The following WWOX variants were observed in gnomAD, a reference collection of about 807,000 sequenced individuals.
WWOX encodes the protein WW domain-containing oxidoreductase.
WWOX carries 69 observed loss-of-function variants against 46.2 expected under a neutral mutation model. The ratio of observed to expected loss-of-function variants is 1.49; its 90% CI spans 1.23 to 1.82. The LOEUF (loss-of-function observed/expected upper bound fraction) is 1.82. Ranked by LOEUF, WWOX falls within the 40% of genes most tolerant of loss-of-function variation. WWOX has a pLI of 0.00. For synonymous variants in WWOX, 359 were observed against 202.6 expected (o/e 1.77, Z -6.56); for missense variants, 919 against 542.6 (o/e 1.69, Z -6.89).
intron 8 of WWOX, among the ~76,000 whole-genome samples, chr16:79,094,111 C>G (rs973711429): frequency 6.6e-6 from 1 of 152,202 alleles, no homozygotes; most frequent in Non-Finnish European, 1.5e-5. Flanking sequence ...CTCCTCTATC[C>G]TGTGAATGCA....
intron 5 of WWOX, among the ~76,000 whole-genome samples, chr16:78,355,311 G>A (rs926391559): frequency 6.6e-6 from 1 of 152,052 alleles, no homozygotes; most frequent in Non-Finnish European, 1.5e-5. Flanking sequence ...AGATAAAAAT[G>A]CGTGTATGGT....
At chr16:78,445,338 C>T (rs905841229) in intron 8 of WWOX, among the ~76,000 whole-genome samples, 1 of 152,184 alleles carries the variant, frequency 6.6e-6, no homozygotes, top group African/African-American at 2.4e-5. Context: ...CCACAAAAAT[C>T]ATGTCACAAG....
chr16:78,099,690 C>A lies in WWOX; in HGVS notation c.-89C>A. 3 of 1,437,910 alleles carry A rather than the reference C, an allele frequency of 2.1e-6. No homozygotes were observed. Among genetic ancestry groups the A allele is most frequent in the African/African-American group, 1.5e-5 (1 of 68,196 alleles). 89.1% of individuals were successfully genotyped at this position (1,437,910 alleles called of 1,614,324 possible). ...GCGTGAGCGGTCGGGCCCCGACGCG[C>A]GCGGGTCTCGTTTGGAGCGGGAGTG... is the stretch of plus-strand genomic sequence containing the variant. On this transcript the variant is annotated 5_prime_UTR_variant, in exon 1 of 9. Transcript: ENST00000566780.
At chr16:78,278,934 AGT>A (rs1287657732) in intron 5 of WWOX, among the ~76,000 whole-genome samples, 2 of 151,950 alleles carry the variant, frequency 1.3e-5, no homozygotes, top group African/African-American at 2.4e-5. Context: ...TGTGTACATA[AGT>A]GTGTGTGTTT....
chr16:78,939,004 A>T (rs965963181), intron 8 of WWOX, among the ~76,000 whole-genome samples: 5 of 152,162 alleles, frequency 3.3e-5, no homozygotes, highest in African/African-American at 1.2e-4. Flanking sequence ...TCTGATGTGG[A>T]TGGAAAGGTT....
At chr16:78,989,134 G>C (rs1409055773) in intron 8 of WWOX, among the ~76,000 whole-genome samples, 1 of 152,020 alleles carries the variant, frequency 6.6e-6, no homozygotes. Context: ...AGCATATTTA[G>C]AGTTCTGAAG....
chr16:78,465,139 C>A (rs1354351953), intron 8 of WWOX, among the ~76,000 whole-genome samples: 1 of 152,198 alleles, frequency 6.6e-6, no homozygotes, highest in Non-Finnish European at 1.5e-5. Context: ...CACTGGGTCC[C>A]TACCATGACA....
At chr16:78,413,985 A>G (rs1281549136) in intron 6 of WWOX, among the ~76,000 whole-genome samples, 1 of 151,842 alleles carries the variant, frequency 6.6e-6, no homozygotes. Context: ...GAACTACAAA[A>G]GAAGTGAAAT....
chr16:78,500,595 T>C (rs1039213311), intron 8 of WWOX, among the ~76,000 whole-genome samples: 4 of 152,068 alleles, frequency 2.6e-5, no homozygotes, highest in African/African-American at 9.7e-5. Flanking sequence ...TTCCTATGAC[T>C]GAGGGTAGGG....
intron 8 of WWOX, among the ~76,000 whole-genome samples, chr16:78,930,173 G>GA (rs1173761548): frequency 6.6e-6 from 1 of 151,442 alleles, no homozygotes; most frequent in Non-Finnish European, 1.5e-5. Flanking sequence ...CTTGGGTCCT[G>GA]AAAATTACAC....
chr16:78,174,069 C>G (rs1219450624), intron 5 of WWOX, among the ~76,000 whole-genome samples: 1 of 152,164 alleles, frequency 6.6e-6, no homozygotes, highest in Non-Finnish European at 1.5e-5. Flanking sequence ...CTGTCTCCAA[C>G]TACCATCACA....
chr16:78,105,298 C>G (rs138377266), intron 1 of WWOX, among the ~76,000 whole-genome samples: 5,183 of 152,220 alleles, frequency 0.034, 105 homozygotes, highest in Non-Finnish European at 0.049. Flanking sequence ...CCCATCTCTA[C>G]TAAAAATACA....
At chr16:78,154,129 C>T (rs1025720052) in intron 4 of WWOX, among the ~76,000 whole-genome samples, 4 of 152,134 alleles carry the variant, frequency 2.6e-5, no homozygotes, top group Non-Finnish European at 5.9e-5. Flanking sequence ...ACCAGTGGCC[C>T]ACAGGGCACC....
At chr16:78,102,666 C>A (rs763442554) in intron 1 of WWOX, among the ~76,000 whole-genome samples, 90 of 152,314 alleles carry the variant, frequency 5.9e-4, no homozygotes, top group Admixed American at 2.1e-3. Context: ...GTCCCCTCGA[C>A]CTTGTACTAG....
Position 79,006,939 on chromosome 16 carries a change from C to T in WWOX, c.1057-204669C>T, listed in dbSNP as rs1050843988. Among the ~76,000 whole-genome samples, 3 of 152,174 alleles carry T rather than the reference C, an allele frequency of 2.0e-5. No individual in the cohort carries two copies. The East Asian group carries it at 5.8e-4, about 29-fold the overall frequency. ...CAGAATCATCTTCCTCTTTTAAGAT[C>T]AGCTGATTAGCAACGTCAGTTCCAC... On this transcript the variant is annotated intron_variant, in intron 8 of 8. Transcript: ENST00000566780.
chr16:78,813,276 C>A (rs2051240232), intron 8 of WWOX, among the ~76,000 whole-genome samples: 1 of 151,562 alleles, frequency 6.6e-6, no homozygotes, highest in African/African-American at 2.4e-5. Flanking sequence ...TTTTTTTCCC[C>A]TTAATTTCCT....
rs549622893 is a variant in WWOX at position 78,131,001 on chromosome 16, T to G, written c.409+15847T>G. On this transcript the variant is annotated intron_variant, in intron 4 of 8. Coordinates refer to ENST00000566780, the MANE Select transcript of WWOX (RefSeq NM_016373.4). ...AGCCTGTTGCTTCCAGGCTGCAAACTTGTATAGCATGGTACCGAACTGAAT... is the reference window on the plus strand; with the variant it reads ...AGCCTGTTGCTTCCAGGCTGCAAACGTGTATAGCATGGTACCGAACTGAAT... 5.9e-5 allele frequency among the ~76,000 whole-genome samples: 9 copies of G among 152,328 alleles called. No individual in the cohort carries two copies. In the East Asian group the frequency reaches 1.7e-3, roughly 29 times the overall value.
At chr16:79,146,203 A>C (rs1361042275) in intron 8 of WWOX, among the ~76,000 whole-genome samples, 3 of 152,210 alleles carry the variant, frequency 2.0e-5, no homozygotes, top group African/African-American at 7.2e-5. Context: ...TGTTACCTTG[A>C]ATATAATGCA....
chr16:79,013,171 G>A (rs558879554), intron 8 of WWOX, among the ~76,000 whole-genome samples: 44 of 152,310 alleles, frequency 2.9e-4, no homozygotes, highest in Non-Finnish European at 5.6e-4. Flanking sequence ...GCCACTTGCC[G>A]CCCACCGCAC....
Sources: allele counts gnomAD v4.1 joint callset (sites outside exome capture counted in the v4.1 genomes callset), GRCh38; gene constraint gnomAD v4.1.1; transcripts MANE v1.5; gene names NCBI Gene and HGNC (gene_info 2026-07-23, HGNC 2026-07-21).